NCOA1: variants seen among roughly 807,000 people sequenced by gnomAD.
NCOA1 encodes Hin-2 protein.
A neutral mutation model predicts 150.9 loss-of-function variants in NCOA1; 35 were observed. The observed-to-expected ratio is 0.23, with a 90% CI of 0.18 to 0.31. The LOEUF is 0.31. Among genes scored for constraint, NCOA1 ranks in the 10% least tolerant of loss-of-function variants. The pLI, the probability that NCOA1 is intolerant of heterozygous loss-of-function variation, is 1.00. For synonymous variants in NCOA1, 590 were observed against 630.0 expected, an observed-to-expected ratio of 0.94 and a Z score of 0.95; for missense variants, 1,491 against 1,749.3, an observed-to-expected ratio of 0.85 and a Z score of 2.63.
At chr2:24,617,339 T>C (rs1049236413) in intron 3 of NCOA1, among the ~76,000 whole-genome samples, 3 of 152,206 alleles carry the variant, frequency 2.0e-5, no homozygotes, top group Non-Finnish European at 2.9e-5. Flanking sequence ...CTGAACGTTA[T>C]GATCTCTCCA....
intron 3 of NCOA1, among the ~76,000 whole-genome samples, chr2:24,613,832 C>G (rs571802092): frequency 1.3e-5 from 2 of 152,168 alleles, no homozygotes; most frequent in African/African-American, 4.8e-5. Context: ...CTCCAGTTAC[C>G]TGGAGATCTG....
chr2:24,677,894 A>G (rs1304628831), intron 7 of NCOA1, among the ~76,000 whole-genome samples: 1 of 152,092 alleles, frequency 6.6e-6, no homozygotes, highest in Non-Finnish European at 1.5e-5. Context: ...TCAACTTTTA[A>G]GTTCCGGGGT....
chr2:24,586,002 C>T (rs999591478), intron 3 of NCOA1, among the ~76,000 whole-genome samples: 5 of 151,974 alleles, frequency 3.3e-5, no homozygotes, highest in East Asian at 1.9e-4. Flanking sequence ...GGGCCAGGGG[C>T]GGTGGCTCAC....
In NCOA1 at chr2:24,522,129, C is replaced by A. The variant is rs187032586; in HGVS notation, c.-396+30527C>A. 1.4e-3 allele frequency among the ~76,000 whole-genome samples: 219 copies of A among 152,296 alleles called. 1 individual carries two copies. The highest frequency in any genetic ancestry group is 5.1e-3 in the African/African-American group (212 of 41,558). ...GGCTTATAGTAGCCTCTCATTACAT[C>A]TTTGTTGAATGGATGAACTCACAGC... On this transcript the variant is annotated intron_variant, in intron 1 of 22. Transcript: ENST00000348332.
intron 7 of NCOA1, among the ~76,000 whole-genome samples, chr2:24,675,347 C>T (rs190660101): frequency 1.5e-3 from 227 of 152,280 alleles, no homozygotes; most frequent in African/African-American, 5.3e-3. Flanking sequence ...CTTAAGGAGG[C>T]TAGAAACCAA....
intron 6 of NCOA1, among the ~76,000 whole-genome samples, chr2:24,670,675 A>G (rs1671643622): frequency 1.3e-5 from 2 of 152,144 alleles, no homozygotes; most frequent in African/African-American, 2.4e-5. Flanking sequence ...ACTTAGGGGT[A>G]TTGGAAAAAT....
At chr2:24,725,714 C>CATGT (rs1260070942) in intron 14 of NCOA1, among the ~76,000 whole-genome samples, 12 of 148,874 alleles carry the variant, frequency 8.1e-5, no homozygotes, top group African/African-American at 2.8e-4. Context: ...CTAAAGTGTG[C>CATGT]GTGTGTGTGT....
At chr2:24,608,876 T>C (rs1019852427) in intron 3 of NCOA1, among the ~76,000 whole-genome samples, 2 of 152,126 alleles carry the variant, frequency 1.3e-5, no homozygotes, top group African/African-American at 2.4e-5. Flanking sequence ...TGGCCAGATA[T>C]TCTCTCTGTT....
At chr2:24,638,032 A>G (rs1359212140) in intron 3 of NCOA1, among the ~76,000 whole-genome samples, 1 of 152,070 alleles carries the variant, frequency 6.6e-6, no homozygotes, top group East Asian at 1.9e-4. Flanking sequence ...TAGTTATCCA[A>G]CAGTGGTATA....
At chr2:24,749,173 TAAAC>T (rs890234879) in intron 19 of NCOA1, among the ~76,000 whole-genome samples, 2 of 152,114 alleles carry the variant, frequency 1.3e-5, no homozygotes, top group African/African-American at 4.8e-5. Context: ...CTGAAACAAA[TAAAC>T]AAAAAACAGA....
rs374739973 is a variant in NCOA1, at chr2:24,658,779, C to T, written c.89+13C>T. ...CACTGGCATCAAGGTAGGAACACTC[C>T]TCTTAGTCTATTTTTGGCAGAGCTG... On this transcript the variant is annotated intron_variant, in intron 5 of 22. Coordinates refer to ENST00000348332, the MANE Select transcript of NCOA1 (RefSeq NM_003743.5). The T allele has an allele frequency of 9.9e-6, 16 of 1,612,452 alleles. No homozygotes were observed. The highest frequency in any genetic ancestry group is 1.7e-5 in the Admixed American group (1 of 59,964).
chr2:24,593,068 G>A (rs973064042), intron 3 of NCOA1, among the ~76,000 whole-genome samples: 2 of 152,194 alleles, frequency 1.3e-5, no homozygotes, highest in East Asian at 1.9e-4. Flanking sequence ...GAGTTAAGTA[G>A]CAATAAAAAC....
chr2:24,729,760 C>T lies in NCOA1; in HGVS notation c.3146C>T (p.Ala1049Val). The T allele has an allele frequency of 6.2e-7, 1 of 1,614,220 alleles. No homozygotes were observed. The highest frequency in any genetic ancestry group is 8.5e-7 in the Non-Finnish European group (1 of 1,180,034). ...QPRQTLNRPP[A>V]APNQLRLQLQ... Reference sequence around the variant, plus strand: ...AGGCAAACTCTAAACAGACCTCCGGCTGCACCTAACCAGCTTCGACTTCAA... The same window carrying T: ...AGGCAAACTCTAAACAGACCTCCGGTTGCACCTAACCAGCTTCGACTTCAA... The change falls in exon 17 of 23, where the codon GCT (alanine) becomes GTT (valine). Residue 1049 changes from alanine (A) to valine (V), a missense_variant. This residue lies in a region of NCOA1 where 485 missense variants were observed against 522.8 expected (regional missense o/e 0.93). Transcript: ENST00000348332.
chr2:24,497,518 A>C (rs1663276531), intron 1 of NCOA1, among the ~76,000 whole-genome samples: 1 of 152,030 alleles, frequency 6.6e-6, no homozygotes, highest in Non-Finnish European at 1.5e-5. Flanking sequence ...CTAAAAATAC[A>C]AAAAATAGCC....
At chr2:24,709,065 G>A (rs903294809) in intron 13 of NCOA1, among the ~76,000 whole-genome samples, 2 of 152,128 alleles carry the variant, frequency 1.3e-5, no homozygotes, top group Non-Finnish European at 2.9e-5. Context: ...CTGGTTCTGT[G>A]CATGTGTGTT....
intron 14 of NCOA1, among the ~76,000 whole-genome samples, chr2:24,718,440 A>G (rs1674169733): frequency 6.6e-6 from 1 of 152,188 alleles, no homozygotes; most frequent in African/African-American, 2.4e-5. Context: ...TTACCATGTA[A>G]CCCAACAGTT....
intron 1 of NCOA1, among the ~76,000 whole-genome samples, chr2:24,493,497 C>G (rs919192168): frequency 6.6e-6 from 1 of 152,012 alleles, no homozygotes; most frequent in South Asian, 2.1e-4. Flanking sequence ...TACACTTGAT[C>G]TCTTCCTTAT....
chr2:24,749,192 G>C (rs761279458), intron 19 of NCOA1, among the ~76,000 whole-genome samples: 4 of 152,170 alleles, frequency 2.6e-5, no homozygotes, highest in Non-Finnish European at 4.4e-5. Flanking sequence ...AACAGACAAA[G>C]TACATTCAAC....
chr2:24,709,580 A>T (rs754020652), intron 13 of NCOA1, among the ~76,000 whole-genome samples: 3 of 152,178 alleles, frequency 2.0e-5, no homozygotes, highest in Non-Finnish European at 4.4e-5. Flanking sequence ...ATTTGCAGAC[A>T]TCTTTTTAGT....
Sources: allele counts gnomAD v4.1 joint callset (sites outside exome capture counted in the v4.1 genomes callset), GRCh38; gene constraint gnomAD v4.1.1; regional missense constraint gnomAD v4.1.1; transcripts MANE v1.5; gene names NCBI Gene and HGNC (gene_info 2026-07-23, HGNC 2026-07-21).